Variants in BIN3 observed in about 807,000 individuals in gnomAD.
BIN3 encodes the protein bridging integrator 3.
BIN3 carries 41 observed loss-of-function variants against 38.2 expected under a neutral mutation model. That is an observed-to-expected ratio of 1.07 (90% CI 0.84 to 1.39). The LOEUF (loss-of-function observed/expected upper bound fraction) is 1.39, where lower values mean the gene tolerates loss of function less well. BIN3 is among the 40% of genes most tolerant of loss of function. The pLI is 0.00. For missense variants in BIN3, 361 were observed against 324.3 expected (o/e 1.11, Z -0.87); for synonymous variants, 145 against 122.6 (o/e 1.18, Z -1.21).
intron 1 of BIN3, among the ~76,000 whole-genome samples, chr8:22,649,540 A>T (rs940535636): frequency 1.3e-5 from 2 of 152,202 alleles, no homozygotes; most frequent in African/African-American, 4.8e-5. Flanking sequence ...AAGATGGCCA[A>T]GGTTAATGTT....
At chr8:22,655,638 T>C (rs1803032812) in intron 1 of BIN3, among the ~76,000 whole-genome samples, 2 of 152,240 alleles carry the variant, frequency 1.3e-5, no homozygotes, top group Non-Finnish European at 1.5e-5. Flanking sequence ...TCCATCTTGA[T>C]AACAGCACCA....
At chr8:22,649,158 T>C (rs1802804054) in intron 1 of BIN3, among the ~76,000 whole-genome samples, 1 of 152,162 alleles carries the variant, frequency 6.6e-6, no homozygotes, top group Non-Finnish European at 1.5e-5. Flanking sequence ...TCTAGACTCC[T>C]TATAATTTCC....
At chr8:22,649,066 A>G (rs567356458) in intron 1 of BIN3, among the ~76,000 whole-genome samples, 23 of 152,296 alleles carry the variant, frequency 1.5e-4, no homozygotes, top group Admixed American at 7.2e-4. Flanking sequence ...TGCTTCTGTA[A>G]TATGTTCTCA....
intron 1 of BIN3, among the ~76,000 whole-genome samples, chr8:22,664,616 G>A (rs4424255): frequency 0.31 from 46,555 of 152,194 alleles, 7,553 homozygotes; most frequent in East Asian, 0.59. Flanking sequence ...GTGAAACTCC[G>A]TGATCCAATC....
At chr8:22,666,025 G>A (rs533605783) in intron 1 of BIN3, among the ~76,000 whole-genome samples, 1 of 152,124 alleles carries the variant, frequency 6.6e-6, no homozygotes, top group African/African-American at 2.4e-5. Context: ...GAACCTGAAC[G>A]CAGCACTCTA....
rs1801758279 is a variant in BIN3 at position 22,620,707 on chromosome 8, T to C, written c.*715A>G. 6.6e-6 allele frequency: 1 copy of C among 152,124 alleles called. No individual in the cohort carries two copies. The highest frequency in any genetic ancestry group is 2.4e-5 in the African/African-American group (1 of 41,362). The allele number at this position is 152,124 out of a possible 1,614,324, so 9.4% of individuals were successfully genotyped here. The stretch of plus-strand genomic sequence containing the variant: ...GCTCGCCTAAGTTACAGCACAATAC[T>C]ATGTGGACGTTTCATTGAAAATTTT... On this transcript the variant is annotated 3_prime_UTR_variant, in exon 9 of 9. Coordinates refer to ENST00000276416, the MANE Select transcript of BIN3 (RefSeq NM_018688.6).
In BIN3 at chr8:22,636,539, G is replaced by A; in HGVS notation, c.146C>T (p.Thr49Ile). The A allele has an allele frequency of 6.4e-7, 1 of 1,552,780 alleles. No homozygotes were observed. Among genetic ancestry groups the A allele is most frequent in the African/African-American group, 1.4e-5 (1 of 73,218 alleles). ...RRLQKDMKKS[T>I]DADLAMSKSA... Reference sequence around the variant, plus strand: ...AAGTCACCTACCCAGGTCTGCGTCGGTGCTCTTCTTCATGTCTTTCTGCAG... The same window carrying A: ...AAGTCACCTACCCAGGTCTGCGTCGATGCTCTTCTTCATGTCTTTCTGCAG... Residue 49 changes from threonine (T) to isoleucine (I), a missense_variant, in exon 4 of 9, where the codon ACC (threonine) becomes ATC (isoleucine). Transcript: ENST00000276416.
intron 3 of BIN3, 45 bp from the exon 4 acceptor site, chr8:22,636,631 C>G: frequency 6.5e-7 from 1 of 1,543,612 alleles, no homozygotes; most frequent in Non-Finnish European, 8.8e-7. Flanking sequence ...TTCCTTCCCC[C>G]TACCTGAGCG....
intron 1 of BIN3, among the ~76,000 whole-genome samples, chr8:22,653,576 C>T (rs1296726451): frequency 1.3e-5 from 2 of 152,186 alleles, no homozygotes; most frequent in African/African-American, 2.4e-5. Flanking sequence ...GTCTTTACAA[C>T]GTACAGTTAA....
intron 8 of BIN3, among the ~76,000 whole-genome samples, chr8:22,623,365 TG>T (rs1342711534): frequency 4.6e-5 from 7 of 152,126 alleles, no homozygotes; most frequent in Non-Finnish European, 1.0e-4. Context: ...GGCGCCCCCA[TG>T]CCTCCAGGCC....
At chr8:22,655,747 C>T (rs2117585132) in intron 1 of BIN3, among the ~76,000 whole-genome samples, 1 of 152,220 alleles carries the variant, frequency 6.6e-6, no homozygotes, top group African/African-American at 2.4e-5. Context: ...TTGTGTGTCC[C>T]TTGCATTTCC....
chr8:22,630,014 A>G lies in BIN3; in HGVS notation c.298-10T>C. The G allele has an allele frequency of 6.2e-7, 1 of 1,607,732 alleles. No individual in the cohort carries two copies. The highest frequency in any genetic ancestry group is 8.5e-7 in the Non-Finnish European group (1 of 1,176,622). On this transcript the variant is annotated splice_polypyrimidine_tract_variant and intron_variant, in intron 5 of 8. Coordinates refer to ENST00000276416, the MANE Select transcript of BIN3 (RefSeq NM_018688.6). ...TCTGGATCTGGTTCACCTGTCAAAG[A>G]AAAACCCAAAGACATTAAAACTGGT...
intron 1 of BIN3, among the ~76,000 whole-genome samples, chr8:22,647,188 C>T (rs2117564006): frequency 6.6e-6 from 1 of 152,308 alleles, no homozygotes; most frequent in Non-Finnish European, 1.5e-5. Context: ...GATGAGAATT[C>T]TAAAGAAGTC....
At chr8:22,662,290 A>T (rs1288297287) in intron 1 of BIN3, among the ~76,000 whole-genome samples, 1 of 152,158 alleles carries the variant, frequency 6.6e-6, no homozygotes, top group Non-Finnish European at 1.5e-5. Context: ...CCTGCAGTGT[A>T]TGTGAATTCC....
intron 1 of BIN3, among the ~76,000 whole-genome samples, chr8:22,668,243 C>A (rs919837429): frequency 6.6e-6 from 1 of 152,176 alleles, no homozygotes; most frequent in African/African-American, 2.4e-5. Context: ...CATAAATAAT[C>A]GAGAGCAACA....
At chr8:22,641,029 AT>A (rs781163511) in intron 2 of BIN3, among the ~76,000 whole-genome samples, 3 of 152,142 alleles carry the variant, frequency 2.0e-5, no homozygotes, top group Non-Finnish European at 4.4e-5. Flanking sequence ...CTGGGGAAAG[AT>A]GCACGGGGAC....
intron 1 of BIN3, among the ~76,000 whole-genome samples, chr8:22,667,434 C>G (rs950444115): frequency 6.6e-6 from 1 of 152,192 alleles, no homozygotes. Context: ...TCAGTAAAGG[C>G]CAATCTAGGC....
At chr8:22,630,721 C>T in intron 4 of BIN3, 143 bp from the exon 5 acceptor site, 2 of 819,694 alleles carry the variant, frequency 2.4e-6, no homozygotes, top group South Asian at 3.6e-5. Context: ...CGGCGAAGTA[C>T]CACACAACCA....
chr8:22,628,272 C>T (rs955130738), intron 6 of BIN3, among the ~76,000 whole-genome samples: 6 of 152,056 alleles, frequency 3.9e-5, no homozygotes, highest in African/African-American at 1.2e-4. Flanking sequence ...AGGCTGGGGG[C>T]GGTGGGGTGG....
Sources: gnomAD v4.1 joint callset for allele counts (sites outside exome capture counted in the v4.1 genomes callset) on GRCh38, gnomAD v4.1.1 for gene constraint, MANE v1.5 for transcripts, NCBI Gene and HGNC (gene_info 2026-07-23, HGNC 2026-07-21) for gene names.